Variants in NR1D2 observed in about 807,000 individuals in gnomAD.
NR1D2 encodes the protein nuclear receptor subfamily 1 group D member 2.
NR1D2 carries 25 observed loss-of-function variants against 52.2 expected under a neutral mutation model. That is an observed-to-expected ratio of 0.48 (90% CI 0.35 to 0.67). The LOEUF (loss-of-function observed/expected upper bound fraction) is 0.67, where lower values mean the gene tolerates loss of function less well. NR1D2 is among the 30% of genes least tolerant of loss of function. The pLI is 0.01. For missense variants in NR1D2, 681 were observed against 707.2 expected, an observed-to-expected ratio of 0.96 and a Z score of 0.42; for synonymous variants, 259 against 230.1, an observed-to-expected ratio of 1.13 and a Z score of -1.14.
Position 23,965,059 on chromosome 3 carries a change from C to A in NR1D2, c.1229C>A (p.Thr410Asn), listed in dbSNP as rs1559335637. 1 of 1,614,002 alleles carries A rather than the reference C, an allele frequency of 6.2e-7. No homozygotes were observed. Among genetic ancestry groups the A allele is most frequent in the Admixed American group, 1.7e-5 (1 of 60,008 alleles). Residue 410 changes from threonine to asparagine, a missense_variant, in exon 6 of 8, where the codon ACT (threonine) becomes AAT (asparagine). Coordinates refer to ENST00000312521, the MANE Select transcript of NR1D2 (RefSeq NM_005126.5). Reference sequence around the variant, plus strand: ...TGGGAAGAATTTTCGATGAGCTTCACTCCAGCAGTGAAAGAAGTGGTGGAA... The same window carrying A: ...TGGGAAGAATTTTCGATGAGCTTCAATCCAGCAGTGAAAGAAGTGGTGGAA... ...EIWEEFSMSF[T>N]PAVKEVVEFA... is the part of the protein sequence containing the mutation.
intron 1 of NR1D2, among the ~76,000 whole-genome samples, chr3:23,953,342 C>CAAAAAAAAAAA (rs55698030): frequency 1.1e-4 from 6 of 52,454 alleles, no homozygotes; most frequent in African/African-American, 3.8e-4. Context: ...GACTCTGTCT[C>CAAAAAAAAAAA]AAAAAAAAAA....
In NR1D2 at chr3:23,959,896, C is replaced by T. The variant is rs974826406; in HGVS notation, c.517+81C>T. The T allele has an allele frequency of 1.8e-5, 25 of 1,358,832 alleles. No homozygotes were observed. In the African/African-American group the frequency reaches 1.9e-4, roughly 10 times the overall value. 84.2% of individuals were successfully genotyped at this position (1,358,832 alleles called of 1,614,324 possible). ...CTCATCATGAACCAGAGCTATAAACCGGTTACCAAGGACCCTCTTGTATTT... is the reference window on the plus strand; with the variant it reads ...CTCATCATGAACCAGAGCTATAAACTGGTTACCAAGGACCCTCTTGTATTT... On this transcript the variant is annotated intron_variant, in intron 4 of 7. Coordinates refer to ENST00000312521, the MANE Select transcript of NR1D2 (RefSeq NM_005126.5).
In NR1D2 at chr3:23,945,391, C is replaced by T. The variant is rs1360800564; in HGVS notation, c.-188C>T. 2.2e-5 allele frequency: 4 copies of T among 182,434 alleles called. No homozygotes were observed. The highest frequency in any genetic ancestry group is 3.3e-5 in the Non-Finnish European group (3 of 90,914). The allele number at this position is 182,434 out of a possible 1,614,324, so 11.3% of individuals were successfully genotyped here. A position where few individuals can be genotyped will look rare whatever the true frequency, so the allele number is the denominator to read the frequency against. On this transcript the variant is annotated 5_prime_UTR_variant, in exon 1 of 8. Coordinates refer to ENST00000312521, the MANE Select transcript of NR1D2 (RefSeq NM_005126.5). ...GAGCGCCGCTCGCCGGCCGCCGCCA[C>T]CCTCTCTCGCTGCAGCCTGCTGTGC...
At position 23,968,043 on chromosome 3, in the gene NR1D2, A is replaced by G. The variant is rs2125295174; in HGVS notation, c.1543+20A>G. 1 of 1,602,698 alleles carries G rather than the reference A, an allele frequency of 6.2e-7. No homozygotes were observed. The highest frequency in any genetic ancestry group is 8.5e-7 in the Non-Finnish European group (1 of 1,169,606). Reference sequence around the variant, plus strand: ...CTGCAGGTAAGCAAGCTGGTTCAAAATTGTGCCACACCTAGCATATAGTGA... The same window carrying G: ...CTGCAGGTAAGCAAGCTGGTTCAAAGTTGTGCCACACCTAGCATATAGTGA... On this transcript the variant is annotated intron_variant, in intron 7 of 7. Transcript: ENST00000312521.
intron 1 of NR1D2, among the ~76,000 whole-genome samples, chr3:23,952,334 T>G (rs9848461): frequency 0.021 from 3,152 of 152,238 alleles, 105 homozygotes; most frequent in African/African-American, 0.072. Context: ...GCTTCATGAA[T>G]AAAACAGTGG....
chr3:23,956,393 C>A lies in NR1D2; in HGVS notation c.372+268C>A, dbSNP rs555544574. Among the ~76,000 whole-genome samples, 6 of 152,130 alleles carry A rather than the reference C, an allele frequency of 3.9e-5. No homozygotes were observed. The South Asian group carries it at 1.2e-3, about 32-fold the overall frequency. On this transcript the variant is annotated intron_variant, in intron 3 of 7. Coordinates refer to ENST00000312521, the MANE Select transcript of NR1D2 (RefSeq NM_005126.5). ...CATACTTATTGTGTTAAACCAAGTG[C>A]ACCAAATGCTCATTCATTAATGTGT...
At chr3:23,969,798 A>C (rs1391190643) in intron 7 of NR1D2, among the ~76,000 whole-genome samples, 8 of 152,180 alleles carry the variant, frequency 5.3e-5, no homozygotes, top group African/African-American at 1.9e-4. Context: ...TGTAGAAAGG[A>C]AGGTGAAATC....
At chr3:23,945,641 C>A in intron 1 of NR1D2, 47 bp downstream of exon 1, 1 of 1,150,488 alleles carries the variant, frequency 8.7e-7, no homozygotes, top group Non-Finnish European at 1.1e-6. Flanking sequence ...AGGGAGCGCT[C>A]AGAGCCCGCG....
In NR1D2 at chr3:23,974,114, T is replaced by TTTTTA. The variant is rs1553599440; in HGVS notation, c.1544-3109_1544-3108insTTTTA. 3.0e-4 allele frequency among the ~76,000 whole-genome samples: 44 copies of TTTTTA among 147,978 alleles called. 4 individuals are homozygous for TTTTTA. The highest frequency in any genetic ancestry group is 1.1e-3 in the African/African-American group (43 of 40,266). On this transcript the variant is annotated intron_variant, in intron 7 of 7. Coordinates refer to ENST00000312521, the MANE Select transcript of NR1D2 (RefSeq NM_005126.5). Reference sequence around the variant, plus strand: ...TTTTTTTTTTTTTTTTTTTTTTTTTTAAGTAGAAGGGACGGGCGAGGTGGC... The same window carrying TTTTTA: ...TTTTTTTTTTTTTTTTTTTTTTTTTTTTTTAAAGTAGAAGGGACGGGCGAGGTGGC...
At chr3:23,949,072 T>C (rs1705856514) in intron 1 of NR1D2, among the ~76,000 whole-genome samples, 1 of 152,240 alleles carries the variant, frequency 6.6e-6, no homozygotes, top group Non-Finnish European at 1.5e-5. Flanking sequence ...TTTTATAAAA[T>C]AAGACCGATT....
In NR1D2 at chr3:23,954,800, A is replaced by G. The variant is rs1022465161; in HGVS notation, c.280A>G (p.Thr94Ala). ...GATGACAAAAAGTCATAGTGGTGTGACAAGTAAGTTACTTTGGTTTTCTAA... is the reference window on the plus strand; with the variant it reads ...GATGACAAAAAGTCATAGTGGTGTGGCAAGTAAGTTACTTTGGTTTTCTAA... ...PGMTKSHSGV[T>A]KFSGMVLLCK... Residue 94 changes from threonine to alanine, a missense_variant, in exon 2 of 8, where the codon ACA (threonine) becomes GCA (alanine). Thr to Ala is a moderately conservative substitution (Grantham distance 58, BLOSUM62 0). Around this residue, in one of 3 missense-constraint regions of NR1D2, gnomAD observed 112 missense variants for 162.3 expected, o/e 0.69. Coordinates refer to ENST00000312521, the MANE Select transcript of NR1D2 (RefSeq NM_005126.5). 3.1e-6 allele frequency: 5 copies of G among 1,611,030 alleles called. No individual in the cohort carries two copies. In the African/African-American group the frequency reaches 6.7e-5, roughly 22 times the overall value.
At position 23,968,423 on chromosome 3, in the gene NR1D2, T is replaced by C. The variant is rs550921667; in HGVS notation, c.1543+400T>C. Among the ~76,000 whole-genome samples, 31 of 152,314 alleles carry C rather than the reference T, an allele frequency of 2.0e-4. No homozygotes were observed. In the South Asian group the frequency reaches 6.4e-3, roughly 32 times the overall value. On this transcript the variant is annotated intron_variant, in intron 7 of 7. Transcript: ENST00000312521. ...AAAACATTAAAAGTATCAAGAGGTA[T>C]TAGTGTGGTTTGTTGCAGAGAAATG...
At chr3:23,955,795 C>T (rs1166489052) in intron 2 of NR1D2, among the ~76,000 whole-genome samples, 2 of 152,056 alleles carry the variant, frequency 1.3e-5, no homozygotes, top group East Asian at 3.9e-4. Context: ...TGCGTTCCAG[C>T]CTGGGCGACA....
At chr3:23,971,865 A>G (rs6550823) in intron 7 of NR1D2, among the ~76,000 whole-genome samples, 119,673 of 152,068 alleles carry the variant, frequency 0.79, 47,787 homozygotes, top group African/African-American at 0.91. Flanking sequence ...TTGATCAGTC[A>G]ATTCCCAAAG....
At chr3:23,960,563 C>T (rs1043212811) in intron 4 of NR1D2, among the ~76,000 whole-genome samples, 2 of 152,094 alleles carry the variant, frequency 1.3e-5, no homozygotes, top group African/African-American at 4.8e-5. Context: ...AACTCCTGAC[C>T]TCAAGTGATC....
chr3:23,953,993 C>A (rs990889958), intron 1 of NR1D2, among the ~76,000 whole-genome samples: 1 of 152,118 alleles, frequency 6.6e-6, no homozygotes, highest in Non-Finnish European at 1.5e-5. Flanking sequence ...CCAGTGAAAT[C>A]CTTCTCACTT....
rs558279898 is a variant in NR1D2 at position 23,959,536 on chromosome 3, T to G, written c.373-135T>G. 19 of 741,134 alleles carry G rather than the reference T, an allele frequency of 2.6e-5. No individual in the cohort carries two copies. The African/African-American group carries it at 3.4e-4, about 13-fold the overall frequency. The allele number at this position is 741,134 out of a possible 1,614,324, so 45.9% of individuals were successfully genotyped here. A position where few individuals can be genotyped will look rare whatever the true frequency, so the allele number is the denominator to read the frequency against. ...TTGTATTTCCCTCTGTCCTAAGACA[T>G]AGTGTTTCCCAGATAGTGAGTCATA... On this transcript the variant is annotated intron_variant, in intron 3 of 7. Transcript: ENST00000312521.
intron 3 of NR1D2, among the ~76,000 whole-genome samples, chr3:23,958,642 T>TAAAAAA (rs35959367): frequency 2.0e-5 from 2 of 98,100 alleles, no homozygotes; most frequent in Non-Finnish European, 3.9e-5. Context: ...CCTGTCTCTT[T>TAAAAAA]AAAAAAAAAA....
chr3:23,976,244 C>G (rs1455444301), intron 7 of NR1D2, among the ~76,000 whole-genome samples: 1 of 152,172 alleles, frequency 6.6e-6, no homozygotes, highest in Non-Finnish European at 1.5e-5. Flanking sequence ...AATAAAGTTG[C>G]ATAGTGTATT....
Sources: gnomAD v4.1 joint callset for allele counts (sites outside exome capture counted in the v4.1 genomes callset) on GRCh38, gnomAD v4.1.1 for gene constraint, gnomAD v4.1.1 regional missense constraint, MANE v1.5 for transcripts, NCBI Gene and HGNC (gene_info 2026-07-23, HGNC 2026-07-21) for gene names.